The following SMO variants were observed in gnomAD, a reference collection of about 807,000 sequenced individuals.
The protein encoded by SMO is protein smoothened.
A neutral mutation model predicts 81.6 loss-of-function variants in SMO; 40 were observed. The observed-to-expected ratio is 0.49, with a 90% CI of 0.38 to 0.64. The LOEUF (loss-of-function observed/expected upper bound fraction) is 0.64, where lower values mean the gene tolerates loss of function less well. Among genes scored for constraint, SMO ranks in the 30% least tolerant of loss-of-function variants. SMO has a pLI of 0.00. For missense variants in SMO, 916 were observed against 1,061.1 expected, an observed-to-expected ratio of 0.86 and a Z score of 1.90; for synonymous variants, 434 against 432.1, an observed-to-expected ratio of 1.00 and a Z score of -0.05.
intron 1 of SMO, among the ~76,000 whole-genome samples, chr7:129,194,543 T>TCC (rs1407466963): frequency 6.6e-6 from 1 of 152,146 alleles, no homozygotes; most frequent in African/African-American, 2.4e-5. Flanking sequence ...TCTAGTCACA[T>TCC]CCCCCTCCCC....
intron 1 of SMO, among the ~76,000 whole-genome samples, chr7:129,193,785 A>ATATAT (rs1235503565): frequency 1.5e-4 from 4 of 26,350 alleles, no homozygotes; most frequent in Non-Finnish European, 1.3e-4. Context: ...AAAAAAAAAA[A>ATATAT]ATATATATAT....
Position 129,208,805 on chromosome 7 carries a change from G to A in SMO, c.1311G>A (p.Leu437=), listed in dbSNP as rs2150652295. The change falls in exon 7 of 12, where the codon CTG becomes CTA. Residue 437 remains leucine, a synonymous_variant. Transcript: ENST00000249373. This position sits in a 1 kb window ranked among gnomAD's most constrained non-coding sequence, Gnocchi z 5.2. ...FSIKSNHPGL[L]SEKAASKINE... ...TCAAGAGCAACCACCCCGGGCTGCT[G>A]AGTGAGAAGGCTGCCAGCAAGATCA... 1 of 1,614,054 alleles carries A rather than the reference G, an allele frequency of 6.2e-7. No individual in the cohort carries two copies. The highest frequency in any genetic ancestry group is 8.5e-7 in the Non-Finnish European group (1 of 1,179,966).
intron 6 of SMO, among the ~76,000 whole-genome samples, chr7:129,207,051 G>A (rs1451665352): frequency 6.6e-6 from 1 of 152,136 alleles, no homozygotes; most frequent in Admixed American, 6.5e-5. Flanking sequence ...CACCATGTTA[G>A]CCAGGCTGGT....
chr7:129,192,257 G>C (rs964734515), intron 1 of SMO, among the ~76,000 whole-genome samples: 2 of 152,164 alleles, frequency 1.3e-5, no homozygotes, highest in Admixed American at 1.3e-4. Context: ...CATGTACAAA[G>C]GTGTAGAGGT....
chr7:129,197,131 T>C (rs1344842449), intron 1 of SMO, among the ~76,000 whole-genome samples: 2 of 152,208 alleles, frequency 1.3e-5, no homozygotes, highest in Non-Finnish European at 2.9e-5. Context: ...AAATTTATTC[T>C]ATACACATAG....
intron 1 of SMO, 85 bp from the exon 2 acceptor site, chr7:129,203,299 C>A: frequency 9.6e-7 from 1 of 1,042,922 alleles, no homozygotes. Context: ...TGCAGTGTGG[C>A]AAAGGCCTGG....
At chr7:129,192,580 C>T (rs1377207198) in intron 1 of SMO, among the ~76,000 whole-genome samples, 2 of 152,084 alleles carry the variant, frequency 1.3e-5, no homozygotes, top group Non-Finnish European at 2.9e-5. Context: ...AAGTAAGAGA[C>T]GATGGCGGTT....
chr7:129,189,235 G>A lies in SMO; in HGVS notation c.84G>A (p.Arg28=), dbSNP rs934302523. ...TGCTGCTGCTGGGGGACCCGGGCCG[G>A]GGGGCGGCCTCGAGCGGGAACGCGA... is the stretch of plus-strand genomic sequence containing the variant. ...LLLLLLGDPG[R]GAASSGNATG... Residue 28 remains arginine, a synonymous_variant, in exon 1 of 12, where the codon CGG becomes CGA. Coordinates refer to ENST00000249373, the MANE Select transcript of SMO (RefSeq NM_005631.5). This position sits in a 1 kb window ranked among gnomAD's most constrained non-coding sequence, Gnocchi z 4.7. 3 of 1,196,460 alleles carry A rather than the reference G, an allele frequency of 2.5e-6. No individual in the cohort carries two copies. Among genetic ancestry groups the A allele is most frequent in the Non-Finnish European group, 3.1e-6 (3 of 956,984 alleles). 74.1% of individuals were successfully genotyped at this position (1,196,460 alleles called of 1,614,324 possible). A position where few individuals can be genotyped will look rare whatever the true frequency, so the allele number is the denominator to read the frequency against.
chr7:129,188,991 G>C lies in SMO; in HGVS notation c.-161G>C, dbSNP rs1163934804. 2.4e-5 allele frequency: 13 copies of C among 532,126 alleles called. No individual in the cohort carries two copies. Among genetic ancestry groups the C allele is most frequent in the Non-Finnish European group, 3.4e-5 (12 of 357,860 alleles). 33.0% of individuals were successfully genotyped at this position (532,126 alleles called of 1,614,324 possible). On this transcript the variant is annotated 5_prime_UTR_variant, in exon 1 of 12. Transcript: ENST00000249373. This position sits in a 1 kb window ranked among gnomAD's most constrained non-coding sequence, Gnocchi z 4.9. The stretch of plus-strand genomic sequence containing the variant: ...AGTTTGCGAAGTTGGGCGCCGAGGG[G>C]CCGGGGCGCGCGGAGCGTCCGGGGG...
Position 129,189,224 on chromosome 7 carries a change from G to A in SMO, c.73G>A (p.Asp25Asn), listed in dbSNP as rs979704684. 1.7e-6 allele frequency: 2 copies of A among 1,175,674 alleles called. No individual in the cohort carries two copies. Among genetic ancestry groups the A allele is most frequent in the Non-Finnish European group, 2.1e-6 (2 of 938,800 alleles). The allele number at this position is 1,175,674 out of a possible 1,614,324, so 72.8% of individuals were successfully genotyped here. Residue 25 changes from aspartate to asparagine, a missense_variant, in exon 1 of 12, where the codon GAC (aspartate) becomes AAC (asparagine). This residue lies in a region of SMO where 146 missense variants were observed against 149.9 expected (regional missense o/e 0.97). Transcript: ENST00000249373. This position sits in a 1 kb window ranked among gnomAD's most constrained non-coding sequence, Gnocchi z 4.7. ...LGLLLLLLLG[D>N]PGRGAASSGN... ...GCTGCTGCTGCTGCTGCTGCTGGGG[G>A]ACCCGGGCCGGGGGGCGGCCTCGAG...
At chr7:129,196,872 T>C (rs753796479) in intron 1 of SMO, among the ~76,000 whole-genome samples, 1 of 151,584 alleles carries the variant, frequency 6.6e-6, no homozygotes, top group Non-Finnish European at 1.5e-5. Context: ...AAAAAGTTAG[T>C]CGGGCATGGT....
intron 1 of SMO, among the ~76,000 whole-genome samples, chr7:129,193,428 C>T (rs1793507600): frequency 1.3e-5 from 2 of 152,022 alleles, no homozygotes; most frequent in Admixed American, 1.3e-4. Context: ...TTCCTTAGAG[C>T]TATTTCCAAA....
At chr7:129,196,206 A>AT (rs71312824) in intron 1 of SMO, among the ~76,000 whole-genome samples, 4,139 of 151,956 alleles carry the variant, frequency 0.027, 93 homozygotes, top group Admixed American at 0.066. Flanking sequence ...GTTAGGTGTA[A>AT]TTTTTTTCCC....
In SMO at chr7:129,203,594, G is replaced by A. The variant is rs1793708180; in HGVS notation, c.537+5G>A. ...CGCTTCCCTGAAGGCTGCACGGTGA[G>A]TGCTCTGTGAGACAAGGTCCAGGCT... On this transcript the variant is annotated splice_donor_5th_base_variant and intron_variant, in intron 2 of 11. Transcript: ENST00000249373. 6.3e-7 allele frequency: 1 copy of A among 1,594,336 alleles called. No homozygotes were observed. Among genetic ancestry groups the A allele is most frequent in the Non-Finnish European group, 8.5e-7 (1 of 1,176,706 alleles).
chr7:129,196,977 A>G (rs1050759718), intron 1 of SMO, among the ~76,000 whole-genome samples: 1 of 143,436 alleles, frequency 7.0e-6, no homozygotes, highest in Admixed American at 7.6e-5. Flanking sequence ...AGATTGTGCC[A>G]CTGCACTCCA....
intron 1 of SMO, among the ~76,000 whole-genome samples, chr7:129,193,785 A>AAATATATAT (rs1563145734): frequency 1.1e-4 from 3 of 26,356 alleles, no homozygotes; most frequent in African/African-American, 3.4e-4. Context: ...AAAAAAAAAA[A>AAATATATAT]ATATATATAT....
chr7:129,194,202 C>CT (rs1793532997), intron 1 of SMO, among the ~76,000 whole-genome samples: 1 of 151,700 alleles, frequency 6.6e-6, no homozygotes, highest in African/African-American at 2.4e-5. Context: ...GGACCTAAGT[C>CT]TTTTTTAAAA....
At position 129,189,434 on chromosome 7, in the gene SMO, G is replaced by A. The variant is rs2150638419; in HGVS notation, c.283G>A (p.Asp95Asn). ...YGATSTLLAG[D>N]SDSQEEAHGK... Reference sequence around the variant, plus strand: ...GGCCACCTCCACACTGCTGGCCGGAGACTCGGACTCCCAGGAGGAAGCGCA... The same window carrying A: ...GGCCACCTCCACACTGCTGGCCGGAAACTCGGACTCCCAGGAGGAAGCGCA... The change falls in exon 1 of 12, where the codon GAC (aspartate) becomes AAC (asparagine). Residue 95 changes from aspartate (D) to asparagine (N), a missense_variant. By Grantham distance (23) the Asp-to-Asn change is conservative. Around this residue, in one of 4 missense-constraint regions of SMO, gnomAD observed 146 missense variants for 149.9 expected, o/e 0.97. Coordinates refer to ENST00000249373, the MANE Select transcript of SMO (RefSeq NM_005631.5). The surrounding 1 kb of genome is among the most constrained non-coding windows in gnomAD (Gnocchi z 4.7). 2 of 1,538,898 alleles carry A rather than the reference G, an allele frequency of 1.3e-6. No individual in the cohort carries two copies. The highest frequency in any genetic ancestry group is 1.7e-6 in the Non-Finnish European group (2 of 1,146,826).
chr7:129,207,176 C>T (rs2150651364), intron 6 of SMO, among the ~76,000 whole-genome samples: 1 of 152,290 alleles, frequency 6.6e-6, no homozygotes, highest in Non-Finnish European at 1.5e-5. Flanking sequence ...GGGTCAGGAT[C>T]CAGCCCCAGT....
Sources: gnomAD v4.1 joint callset for allele counts (sites outside exome capture counted in the v4.1 genomes callset) on GRCh38, gnomAD v4.1.1 for gene constraint, gnomAD v4.1.1 regional missense constraint, Gnocchi (gnomAD v3.1) non-coding constraint, MANE v1.5 for transcripts, NCBI Gene and HGNC (gene_info 2026-07-23, HGNC 2026-07-21) for gene names.